Variants in SPRY1 observed in about 807,000 individuals in gnomAD.
SPRY1 encodes the protein sprouty RTK signaling antagonist 1, also known as protein sprouty homolog 1.
In SPRY1, 20 loss-of-function variants were observed where a neutral mutation model predicts 22.6. The observed-to-expected ratio is 0.89, with a 90% confidence interval of 0.62 to 1.29. The LOEUF (loss-of-function observed/expected upper bound fraction) is 1.29. SPRY1 is among the 50% of genes most tolerant of loss of function. The probability of loss-of-function intolerance (pLI) is 0.00; values close to 1 mark genes in which losing one functional copy is unlikely to be tolerated. For missense variants in SPRY1, 446 were observed against 387.7 expected (o/e 1.15, Z -1.26); for synonymous variants, 155 against 144.7 (o/e 1.07, Z -0.51).
In SPRY1 at chr4:123,402,041, T is replaced by C. The variant is rs1350052022; in HGVS notation, c.450T>C (p.Ser150=). The C allele has an allele frequency of 1.2e-6, 2 of 1,614,042 alleles. No individual in the cohort carries two copies. The highest frequency in any genetic ancestry group is 3.3e-5 in the Admixed American group (2 of 60,010). ...PPTRPVPGHR[S]ERAIRTQPKQ... ...CCAGACCAGTCCCTGGTCATAGGTC[T>C]GAAAGGGCAATCCGGACCCAGCCCA... is the stretch of plus-strand genomic sequence containing the variant. The change falls in exon 3 of 3, where the codon TCT becomes TCC. Residue 150 remains serine (S), a synonymous_variant. Coordinates refer to ENST00000651917, the MANE Select transcript of SPRY1 (RefSeq NM_001258038.2).
chr4:123,402,231 A>C lies in SPRY1; in HGVS notation c.640A>C (p.Ser214Arg). Reference protein sequence around the residue: ...CNRQCLCSAESMVEYGTCMCL... With the variant: ...CNRQCLCSAERMVEYGTCMCL... The stretch of plus-strand genomic sequence containing the variant: ...CCGGCAGTGCCTTTGCTCTGCTGAG[A>C]GCATGGTGGAATATGGAACCTGCAT... The change falls in exon 3 of 3, where the codon AGC becomes CGC. Residue 214 changes from serine to arginine, a missense_variant. By Grantham distance (110) the Ser-to-Arg change is moderately radical. Transcript: ENST00000651917. The C allele has an allele frequency of 6.2e-7, 1 of 1,614,222 alleles. No individual in the cohort carries two copies. The highest frequency in any genetic ancestry group is 8.5e-7 in the Non-Finnish European group (1 of 1,180,034).
Position 123,402,821 on chromosome 4 carries a change from C to T in SPRY1, c.*270C>T, listed in dbSNP as rs1439294785. 2 of 523,962 alleles carry T rather than the reference C, an allele frequency of 3.8e-6. No homozygotes were observed. The highest frequency in any genetic ancestry group is 8.3e-5 in the South Asian group (2 of 24,186). The allele number at this position is 523,962 out of a possible 1,614,324, so 32.5% of individuals were successfully genotyped here. A position where few individuals can be genotyped will look rare whatever the true frequency, so the allele number is the denominator to read the frequency against. On this transcript the variant is annotated 3_prime_UTR_variant, in exon 3 of 3. Coordinates refer to ENST00000651917, the MANE Select transcript of SPRY1 (RefSeq NM_001258038.2). ...TGAGAGCCAGTGGGCTTTTGTGTAG[C>T]CTTTTTGTTCTGCAAGCAACTTTCT...
chr4:123,400,808 C>T (rs1359934145), intron 2 of SPRY1, among the ~76,000 whole-genome samples: 1 of 152,140 alleles, frequency 6.6e-6, no homozygotes, highest in Non-Finnish European at 1.5e-5. Context: ...AAAATCCTCT[C>T]AGGATTTCAA....
Position 123,402,452 on chromosome 4 carries a change from T to G in SPRY1, c.861T>G (p.Tyr287Ter). Residue 287 changes from tyrosine (Y) to a stop codon, truncating the protein, a stop_gained, in exon 3 of 3, where the codon TAT (tyrosine) becomes TAG (stop). Transcript: ENST00000651917. LOFTEE classifies it high-confidence loss of function. ...KGCLKLCRRC[Y>*]DWIHRPGCRC... ...GCCTGAAGCTGTGCAGGAGGTGTTA[T>G]GACTGGATCCATCGCCCAGGGTGCA... The G allele has an allele frequency of 1.2e-6, 2 of 1,614,208 alleles. No homozygotes were observed. The highest frequency in any genetic ancestry group is 8.5e-7 in the Non-Finnish European group (1 of 1,180,034).
In SPRY1 at chr4:123,402,290, C is replaced by T; in HGVS notation, c.699C>T (p.Ser233=). The T allele has an allele frequency of 6.2e-7, 1 of 1,614,240 alleles. No homozygotes were observed. Residue 233 remains serine, a synonymous_variant, in exon 3 of 3, where the codon TCC becomes TCT. Coordinates refer to ENST00000651917, the MANE Select transcript of SPRY1 (RefSeq NM_001258038.2). The part of the protein sequence containing the change: ...CLVKGIFYHC[S]NDDEGDSYSD... ...TCAAGGGCATCTTCTACCACTGCTC[C>T]AATGACGACGAAGGGGATTCCTATT... is the stretch of plus-strand genomic sequence containing the variant.
intron 2 of SPRY1, chr4:123,400,507 T>C (rs1281590046): frequency 6.6e-6 from 1 of 152,256 alleles, no homozygotes; most frequent in African/African-American, 2.4e-5. Flanking sequence ...CTTTCATCTT[T>C]GGCAGTTTGT....
In SPRY1 at chr4:123,402,163, A is replaced by C. The variant is rs1053558732; in HGVS notation, c.572A>C (p.Glu191Ala). The change falls in exon 3 of 3, where the codon GAA (glutamate) becomes GCA (alanine). Residue 191 changes from glutamate to alanine, a missense_variant. Coordinates refer to ENST00000651917, the MANE Select transcript of SPRY1 (RefSeq NM_001258038.2). ...CEQCGKCKCG[E>A]CTAPRTLPSC... is the part of the protein sequence containing the mutation. ...CAGTGTGGGAAGTGCAAGTGTGGAG[A>C]ATGCACTGCTCCCAGGACCCTACCA... The C allele has an allele frequency of 7.4e-6, 12 of 1,614,038 alleles. No homozygotes were observed. The highest frequency in any genetic ancestry group is 1.0e-5 in the Non-Finnish European group (12 of 1,180,032).
At chr4:123,401,214 T>G (rs1725133122) in intron 2 of SPRY1, among the ~76,000 whole-genome samples, 1 of 152,240 alleles carries the variant, frequency 6.6e-6, no homozygotes, top group African/African-American at 2.4e-5. Flanking sequence ...CAGTATTCCC[T>G]GCGAAGGCAT....
Position 123,401,873 on chromosome 4 carries a change from A to G in SPRY1, c.282A>G (p.Thr94=), listed in dbSNP as rs771953975. 5 of 1,614,064 alleles carry G rather than the reference A, an allele frequency of 3.1e-6. No individual in the cohort carries two copies. Among genetic ancestry groups the G allele is most frequent in the Admixed American group, 3.3e-5 (2 of 59,994 alleles). The part of the protein sequence containing the change: ...NVNNNYEHRH[T]SHLGHAVLPS... ...ATAATAACTACGAGCACAGACACAC[A>G]AGCCACCTGGGACATGCAGTACTCC... The change falls in exon 3 of 3, where the codon ACA becomes ACG. Residue 94 remains threonine (T), a synonymous_variant. Transcript: ENST00000651917.
At chr4:123,399,375 CA>C (rs747874131) in intron 2 of SPRY1, 40 of 143,632 alleles carry the variant, frequency 2.8e-4, no homozygotes, top group Admixed American at 9.7e-4. Flanking sequence ...GACTCCGGCT[CA>C]AAAAAAAAAA....
intron 2 of SPRY1, among the ~76,000 whole-genome samples, chr4:123,398,803 G>T (rs1725024251): frequency 6.6e-6 from 1 of 152,188 alleles, no homozygotes; most frequent in South Asian, 2.1e-4. Context: ...CCGGAGCGGC[G>T]GCGCGGTGGC....
At chr4:123,398,683 C>A (rs1725017780) in intron 2 of SPRY1, among the ~76,000 whole-genome samples, 3 of 152,082 alleles carry the variant, frequency 2.0e-5, no homozygotes, top group Non-Finnish European at 4.4e-5. Flanking sequence ...CCGCCGCTCC[C>A]TGCCCCCTGG....
chr4:123,399,967 C>T (rs1725083445), intron 2 of SPRY1: 2 of 152,088 alleles, frequency 1.3e-5, no homozygotes, highest in African/African-American at 4.8e-5. Context: ...ATTTCCCAGC[C>T]AGTATGAAGT....
chr4:123,401,519 T>A lies in SPRY1; in HGVS notation c.-55-18T>A. On this transcript the variant is annotated intron_variant, in intron 2 of 2. Transcript: ENST00000651917. ...TGTCATTTATTTTCTGTTTTTTTCA[T>A]CTTTGATTTCGTTTTAGGATTTCAG... 2 of 1,532,978 alleles carry A rather than the reference T, an allele frequency of 1.3e-6. No individual in the cohort carries two copies. The highest frequency in any genetic ancestry group is 2.6e-5 in the South Asian group (2 of 78,052). 95.0% of individuals were successfully genotyped at this position (1,532,978 alleles called of 1,614,324 possible).
intron 2 of SPRY1, chr4:123,400,328 T>C (rs530104736): frequency 3.3e-5 from 5 of 152,348 alleles, no homozygotes; most frequent in South Asian, 2.1e-4. Flanking sequence ...TTAGGAAATA[T>C]AGGAAATGGA....
At chr4:123,399,157 A>T (rs1205651536) in intron 2 of SPRY1, among the ~76,000 whole-genome samples, 2 of 152,148 alleles carry the variant, frequency 1.3e-5, no homozygotes, top group African/African-American at 4.8e-5. Context: ...CGCGCTGATC[A>T]CCTGAGGTCA....
intron 2 of SPRY1, chr4:123,398,552 G>A (rs910531083): frequency 2.1e-4 from 32 of 152,420 alleles, no homozygotes; most frequent in African/African-American, 6.0e-4. Flanking sequence ...CCGCTGGGCT[G>A]TAGGCGCGCG....
Position 123,402,984 on chromosome 4 carries a change from C to G in SPRY1, c.*433C>G, listed in dbSNP as rs1043932883. 2.4e-6 allele frequency: 1 copy of G among 419,900 alleles called. No homozygotes were observed. The highest frequency in any genetic ancestry group is 4.4e-6 in the Non-Finnish European group (1 of 229,586). 26.0% of individuals were successfully genotyped at this position (419,900 alleles called of 1,614,324 possible). ...TGCTTAAATAAGCTATGTATTAAATCTGTCTCCAGTTAGGGCTATCTTCCT... is the reference window on the plus strand; with the variant it reads ...TGCTTAAATAAGCTATGTATTAAATGTGTCTCCAGTTAGGGCTATCTTCCT... On this transcript the variant is annotated 3_prime_UTR_variant, in exon 3 of 3. Transcript: ENST00000651917.
chr4:123,401,886 C>CA lies in SPRY1; in HGVS notation c.296dup (p.His99GlnfsTer7). 6.2e-7 allele frequency: 1 copy of CA among 1,614,204 alleles called. No homozygotes were observed. The highest frequency in any genetic ancestry group is 8.5e-7 in the Non-Finnish European group (1 of 1,180,034). On this transcript the variant is annotated frameshift_variant, in exon 3 of 3. Coordinates refer to ENST00000651917, the MANE Select transcript of SPRY1 (RefSeq NM_001258038.2). LOFTEE classifies it high-confidence loss of function. ...GCACAGACACACAAGCCACCTGGGA[C>CA]ATGCAGTACTCCCAAGTAATGCCAG...
Sources: gnomAD v4.1 joint callset for allele counts (sites outside exome capture counted in the v4.1 genomes callset) on GRCh38, gnomAD v4.1.1 for gene constraint, MANE v1.5 for transcripts, NCBI Gene and HGNC (gene_info 2026-07-23, HGNC 2026-07-21) for gene names.